RAB3D: variants seen among roughly 807,000 people sequenced by gnomAD.
RAB3D encodes ras-related protein Rab-3D.
A neutral mutation model predicts 19.3 loss-of-function variants in RAB3D; 17 were observed. That is an observed-to-expected ratio of 0.88 (90% confidence interval 0.60 to 1.32). RAB3D has a LOEUF of 1.32. RAB3D is among the 40% of genes most tolerant of loss of function. The pLI, the probability that RAB3D is intolerant of heterozygous loss-of-function variation, is 0.00. For missense variants in RAB3D, 223 were observed against 299.1 expected (o/e 0.75, Z 1.88); for synonymous variants, 103 against 119.9 (o/e 0.86, Z 0.92).
At chr19:11,331,827 ACG>A (rs2080836549) in intron 4 of RAB3D, among the ~76,000 whole-genome samples, 1 of 151,966 alleles carries the variant, frequency 6.6e-6, no homozygotes, top group South Asian at 2.1e-4. Flanking sequence ...TTAAAAAACG[ACG>A]ACGACAACAA....
chr19:11,335,831 T>C, intron 2 of RAB3D, 48 bp from the exon 3 acceptor site: 1 of 1,540,064 alleles, frequency 6.5e-7, no homozygotes, highest in Admixed American at 1.7e-5. Context: ...TGTTTCCCAG[T>C]CCACCCCTGT....
Position 11,337,382 on chromosome 19 carries a change from G to A in RAB3D, c.18C>T (p.Asp6=), listed in dbSNP as rs377182248. ...CTGCATCCCGTGGGCCTGCCTGGGT[G>A]TCTCCAGCTGATGCCATCTTGGCAC... MASAG[D]TQAGPRDAAD... The change falls in exon 2 of 5, where the codon GAC becomes GAT. Residue 6 remains aspartate, a synonymous_variant. Transcript: ENST00000222120. 1.2e-5 allele frequency: 19 copies of A among 1,613,602 alleles called. No individual in the cohort carries two copies. The highest frequency in any genetic ancestry group is 1.6e-5 in the Non-Finnish European group (19 of 1,179,666).
Position 11,337,322 on chromosome 19 carries a change from T to C in RAB3D, c.78A>G (p.Leu26=). 1.2e-6 allele frequency: 2 copies of C among 1,614,188 alleles called. No homozygotes were observed. Among genetic ancestry groups the C allele is most frequent in the Non-Finnish European group, 1.7e-6 (2 of 1,180,038 alleles). Residue 26 remains leucine (L), a synonymous_variant, in exon 2 of 5, where the codon CTA becomes CTG. Coordinates refer to ENST00000222120, the MANE Select transcript of RAB3D (RefSeq NM_004283.4). ...DQNFDYMFKL[L]LIGNSSVGKT... is the part of the protein sequence containing the mutation. ...TGCCCACACTGCTGTTGCCTATCAG[T>C]AGCAGTTTGAACATATAGTCGAAGT...
chr19:11,322,825 A>G lies in RAB3D; in HGVS notation c.*2573T>C, dbSNP rs1161604399. 6.6e-6 allele frequency: 1 copy of G among 152,218 alleles called. No homozygotes were observed. The highest frequency in any genetic ancestry group is 2.4e-5 in the African/African-American group (1 of 41,454). The allele number at this position is 152,218 out of a possible 1,614,324, so 9.4% of individuals were successfully genotyped here. A position where few individuals can be genotyped will look rare whatever the true frequency, so the allele number is the denominator to read the frequency against. On this transcript the variant is annotated 3_prime_UTR_variant, in exon 5 of 5. Coordinates refer to ENST00000222120, the MANE Select transcript of RAB3D (RefSeq NM_004283.4). ...TGCAGTCAAAGCTGTTTCTCATCACACAGGTGATTACAGGTTAGCTCTGCC... is the reference window on the plus strand; with the variant it reads ...TGCAGTCAAAGCTGTTTCTCATCACGCAGGTGATTACAGGTTAGCTCTGCC...
At chr19:11,327,572 T>A (rs1469139663) in intron 4 of RAB3D, among the ~76,000 whole-genome samples, 1 of 152,166 alleles carries the variant, frequency 6.6e-6, no homozygotes, top group African/African-American at 2.4e-5. Context: ...CTAATTTTTG[T>A]ATTTTCAGTA....
At chr19:11,333,378 C>G (rs931689567) in intron 4 of RAB3D, among the ~76,000 whole-genome samples, 26 of 152,004 alleles carry the variant, frequency 1.7e-4, no homozygotes, top group African/African-American at 6.3e-4. Context: ...CTGCGCCCGG[C>G]AGAGAAATAT....
intron 4 of RAB3D, among the ~76,000 whole-genome samples, chr19:11,328,369 G>A (rs1270348444): frequency 6.8e-6 from 1 of 148,016 alleles, no homozygotes; most frequent in East Asian, 2.0e-4. Context: ...AGGTTGGGGG[G>A]TGCCAGGCGT....
intron 4 of RAB3D, among the ~76,000 whole-genome samples, chr19:11,330,387 T>TAAA (rs1568300352): frequency 6.6e-6 from 1 of 152,144 alleles, no homozygotes; most frequent in East Asian, 1.9e-4. Context: ...GTGATTACCA[T>TAAA]AAAAATAGCA....
In RAB3D at chr19:11,337,350, T is replaced by C. The variant is rs755031935; in HGVS notation, c.50A>G (p.Gln17Arg). ...CAGTTTGAACATATAGTCGAAGTTC[T>C]GATCTGCTGCATCCCGTGGGCCTGC... ...TQAGPRDAAD[Q>R]NFDYMFKLLL... Residue 17 changes from glutamine (Q) to arginine (R), a missense_variant, in exon 2 of 5, where the codon CAG (glutamine) becomes CGG (arginine). Coordinates refer to ENST00000222120, the MANE Select transcript of RAB3D (RefSeq NM_004283.4). 1 of 1,614,240 alleles carries C rather than the reference T, an allele frequency of 6.2e-7. No homozygotes were observed.
intron 4 of RAB3D, among the ~76,000 whole-genome samples, chr19:11,328,437 G>C (rs961554077): frequency 2.6e-5 from 4 of 151,446 alleles, no homozygotes; most frequent in African/African-American, 9.7e-5. Context: ...GGATCACGAG[G>C]TCAGGAGTTC....
In RAB3D at chr19:11,325,377, G is replaced by T. The variant is rs762163610; in HGVS notation, c.*21C>A. The T allele has an allele frequency of 6.7e-7, 1 of 1,485,752 alleles. No individual in the cohort carries two copies. The highest frequency in any genetic ancestry group is 9.1e-7 in the Non-Finnish European group (1 of 1,104,292). 92.0% of individuals were successfully genotyped at this position (1,485,752 alleles called of 1,614,324 possible). On this transcript the variant is annotated 3_prime_UTR_variant, in exon 5 of 5. Coordinates refer to ENST00000222120, the MANE Select transcript of RAB3D (RefSeq NM_004283.4). ...CCCTGCCGAGGCAGGAGAGGGGTGGGTGGGGGGTTGGGGGCCATCTCTAGC... is the reference window on the plus strand; with the variant it reads ...CCCTGCCGAGGCAGGAGAGGGGTGGTTGGGGGGTTGGGGGCCATCTCTAGC...
chr19:11,326,815 G>A, intron 4 of RAB3D: 1 of 687,040 alleles, frequency 1.5e-6, no homozygotes, highest in South Asian at 1.5e-5. Context: ...TCGCTATGTT[G>A]CGCAGGCTGG....
intron 4 of RAB3D, 77 bp from the exon 5 acceptor site, chr19:11,325,662 G>T: frequency 1.4e-6 from 2 of 1,401,972 alleles, no homozygotes; most frequent in Non-Finnish European, 2.0e-6. Context: ...CAGAAACCTG[G>T]CTTCTAAGCC....
At chr19:11,328,465 G>A (rs1317414869) in intron 4 of RAB3D, among the ~76,000 whole-genome samples, 5 of 151,852 alleles carry the variant, frequency 3.3e-5, no homozygotes, top group Admixed American at 1.3e-4. Context: ...GGGCCAATAC[G>A]GTGAAACCCC....
intron 1 of RAB3D, among the ~76,000 whole-genome samples, chr19:11,338,385 G>T (rs952113129): frequency 6.6e-6 from 1 of 152,182 alleles, no homozygotes; most frequent in East Asian, 1.9e-4. Context: ...GTGTAAGCTG[G>T]GGTGGGGTGG....
chr19:11,336,922 A>G (rs1966900421), intron 2 of RAB3D, among the ~76,000 whole-genome samples: 1 of 150,052 alleles, frequency 6.7e-6, no homozygotes, highest in African/African-American at 2.5e-5. Flanking sequence ...GTGAGCCAAC[A>G]TTGTGCCATT....
At chr19:11,335,285 C>T (rs539325075) in intron 4 of RAB3D, among the ~76,000 whole-genome samples, 162 bp downstream of exon 4, 109 of 152,302 alleles carry the variant, frequency 7.2e-4, no homozygotes, top group South Asian at 1.4e-3. Context: ...AGTTCCTGCG[C>T]GTGGATCCCC....
chr19:11,337,474 A>T lies in RAB3D; in HGVS notation c.-61-14T>A. ...GAGACGGGCGTCCTGCAGGGGAATC[A>T]AACATCAAGAACAGCTCCTGTGAAT... On this transcript the variant is annotated splice_polypyrimidine_tract_variant and intron_variant, in intron 1 of 4. Transcript: ENST00000222120. 1 of 1,193,422 alleles carries T rather than the reference A, an allele frequency of 8.4e-7. No homozygotes were observed. Among genetic ancestry groups the T allele is most frequent in the Non-Finnish European group, 1.2e-6 (1 of 806,228 alleles). 73.9% of individuals were successfully genotyped at this position (1,193,422 alleles called of 1,614,324 possible). A position where few individuals can be genotyped will look rare whatever the true frequency, so the allele number is the denominator to read the frequency against.
intron 4 of RAB3D, among the ~76,000 whole-genome samples, chr19:11,331,749 C>T (rs1157140543): frequency 1.3e-5 from 2 of 151,284 alleles, no homozygotes. Context: ...TCCTCAGCCT[C>T]CTAAAGTGGT....
Sources: allele counts gnomAD v4.1 joint callset (sites outside exome capture counted in the v4.1 genomes callset), GRCh38; gene constraint gnomAD v4.1.1; transcripts MANE v1.5; gene names NCBI Gene and HGNC (gene_info 2026-07-23, HGNC 2026-07-21).